SAMD12: variants seen among roughly 807,000 people sequenced by gnomAD.
SAMD12 encodes the protein sterile alpha motif domain containing 12.
In SAMD12, 9 loss-of-function variants were observed where a neutral mutation model predicts 15.0. That is an observed-to-expected ratio of 0.60 (90% CI 0.36 to 1.05). The LOEUF is 1.05. SAMD12 is among the 50% of genes least tolerant of loss of function. SAMD12 has a pLI of 0.01. For missense variants in SAMD12, 230 were observed against 234.2 expected, an observed-to-expected ratio of 0.98 and a Z score of 0.12; for synonymous variants, 86 against 90.1, an observed-to-expected ratio of 0.96 and a Z score of 0.25.
At chr8:118,220,752 C>A (rs1011495422) in intron 4 of SAMD12, among the ~76,000 whole-genome samples, 1 of 152,178 alleles carries the variant, frequency 6.6e-6, no homozygotes, top group African/African-American at 2.4e-5. Context: ...ATTCCTGATG[C>A]TTTACAAACA....
At chr8:118,284,464 T>C in intron 4 of SAMD12, 1 of 421,870 alleles carries the variant, frequency 2.4e-6, no homozygotes, top group South Asian at 1.7e-5. Context: ...TCCCCTTTAA[T>C]CTTCATACAC....
intron 2 of SAMD12, among the ~76,000 whole-genome samples, chr8:118,462,906 T>C (rs1823468683): frequency 6.6e-6 from 1 of 151,666 alleles, no homozygotes; most frequent in South Asian, 2.1e-4. Context: ...ATCGAGACCA[T>C]CCTGGCTAAC....
intron 4 of SAMD12, among the ~76,000 whole-genome samples, chr8:118,304,793 TAAATAC>T: frequency 7.3e-6 from 1 of 136,136 alleles, no homozygotes; most frequent in Non-Finnish European, 1.6e-5. Flanking sequence ...AATAAATAAA[TAAATAC>T]ACAAATAAAT....
At chr8:118,305,406 T>C (rs7838723) in intron 4 of SAMD12, among the ~76,000 whole-genome samples, 72,975 of 151,996 alleles carry the variant, frequency 0.48, 20,060 homozygotes, top group African/African-American at 0.77. Flanking sequence ...TTGTATCTGG[T>C]TTATTTCACA....
chr8:118,380,476 C>T (rs1054791385), intron 3 of SAMD12, among the ~76,000 whole-genome samples: 1 of 152,162 alleles, frequency 6.6e-6, no homozygotes, highest in Non-Finnish European at 1.5e-5. Context: ...ACCTTTCTTT[C>T]CCTGTATACT....
chr8:118,291,137 CTG>C (rs1256182702), intron 4 of SAMD12: 1 of 152,182 alleles, frequency 6.6e-6, no homozygotes, highest in Non-Finnish European at 1.5e-5. Flanking sequence ...CAGTGTTTCA[CTG>C]TGTTTATTTT....
At chr8:118,137,889 G>A in the SAMD12 span, among the ~76,000 whole-genome samples, 5 of 151,890 alleles carry the variant, frequency 3.3e-5, no homozygotes, top group Admixed American at 6.6e-5. Flanking sequence ...CCAGCATGGT[G>A]CCATCAGACA....
At chr8:118,362,213 T>C (rs1818536505) in intron 4 of SAMD12, among the ~76,000 whole-genome samples, 1 of 152,102 alleles carries the variant, frequency 6.6e-6, no homozygotes. Flanking sequence ...GCAAGAAAAT[T>C]AGAGACCATT....
chr8:118,604,480 A>G (rs1005573204), intron 1 of SAMD12, among the ~76,000 whole-genome samples: 7 of 152,202 alleles, frequency 4.6e-5, no homozygotes, highest in African/African-American at 1.7e-4. Context: ...TAAGATAAAA[A>G]TAGCTGAACA....
At chr8:118,548,736 C>T (rs894075280) in intron 2 of SAMD12, among the ~76,000 whole-genome samples, 3 of 152,212 alleles carry the variant, frequency 2.0e-5, no homozygotes, top group Admixed American at 1.3e-4. Context: ...TTGCCTCACT[C>T]GGGAAGTGCA....
the SAMD12 span, among the ~76,000 whole-genome samples, chr8:118,140,281 T>C: frequency 1.3e-5 from 2 of 152,070 alleles, no homozygotes; most frequent in African/African-American, 4.8e-5. Flanking sequence ...GTCTTTTATT[T>C]TTTTTTTTGA....
chr8:118,422,409 A>G (rs1453114574), intron 3 of SAMD12, among the ~76,000 whole-genome samples: 1 of 152,210 alleles, frequency 6.6e-6, no homozygotes, highest in Non-Finnish European at 1.5e-5. Flanking sequence ...TGGAAAAATT[A>G]GTTTTGCTTG....
rs180748616 is a variant in SAMD12, at chr8:118,217,249, G to A, written c.434-19517C>T. ...GATCTCTTGACCTTGTGATCTGCCC[G>A]CCTCGGCCTCCCAAAGTGCTGGGAT... On this transcript the variant is annotated intron_variant, in intron 4 of 4. Transcript: ENST00000409003. 5.6e-4 allele frequency among the ~76,000 whole-genome samples: 86 copies of A among 152,248 alleles called. 1 individual carries two copies. The highest frequency in any genetic ancestry group is 1.9e-3 in the African/African-American group (78 of 41,554).
chr8:118,413,844 T>C (rs943547009), intron 3 of SAMD12, among the ~76,000 whole-genome samples: 38 of 150,530 alleles, frequency 2.5e-4, no homozygotes, highest in Admixed American at 3.4e-4. Context: ...TTTTATAACA[T>C]TGCTTATAGT....
rs957891723 is a variant in SAMD12, at chr8:118,434,286, TATA to T, written c.322+5543_322+5545del. Among the ~76,000 whole-genome samples, 132 of 152,322 alleles carry T rather than the reference TATA, an allele frequency of 8.7e-4. 1 individual carries two copies. Among genetic ancestry groups the T allele is most frequent in the Middle Eastern group, 3.4e-3 (1 of 294 alleles). ...TATTGTGTAGGTGATCATTTAGAAA[TATA>T]ATAAGTCAATAGGAATCATTTGTAA... On this transcript the variant is annotated intron_variant, in intron 3 of 3. Coordinates refer to ENST00000314727, the MANE Select transcript of SAMD12 (RefSeq NM_207506.3).
chr8:118,167,665 G>A, the SAMD12 span, among the ~76,000 whole-genome samples: 1 of 151,998 alleles, frequency 6.6e-6, no homozygotes. Context: ...AGCTGTTTTT[G>A]CCTCCCTTTG....
chr8:118,548,071 T>C (rs1826183006), intron 2 of SAMD12, among the ~76,000 whole-genome samples: 1 of 152,082 alleles, frequency 6.6e-6, no homozygotes, highest in African/African-American at 2.4e-5. Context: ...CTTATTTCTT[T>C]CTCAACTCAT....
intron 2 of SAMD12, among the ~76,000 whole-genome samples, chr8:118,517,039 T>C (rs1186503790): frequency 1.6e-4 from 24 of 152,180 alleles, no homozygotes; most frequent in Non-Finnish European, 4.4e-5. Flanking sequence ...TCTAAGAAAA[T>C]GGAGAATCTT....
At chr8:118,462,041 T>C (rs1823437887) in intron 2 of SAMD12, among the ~76,000 whole-genome samples, 1 of 152,244 alleles carries the variant, frequency 6.6e-6, no homozygotes, top group African/African-American at 2.4e-5. Flanking sequence ...AATGGTAGAA[T>C]ACCTGCATTT....
Sources: gnomAD v4.1 joint callset for allele counts (sites outside exome capture counted in the v4.1 genomes callset) on GRCh38, gnomAD v4.1.1 for gene constraint, MANE v1.5 for transcripts, NCBI Gene and HGNC (gene_info 2026-07-23, HGNC 2026-07-21) for gene names.